RNF150: variants seen among roughly 807,000 people sequenced by gnomAD.
The protein encoded by RNF150 is ring finger protein 150.
A neutral mutation model predicts 39.3 loss-of-function variants in RNF150; 24 were observed. The ratio of observed to expected loss-of-function variants is 0.61; its 90% CI spans 0.44 to 0.86. The LOEUF is 0.86. Among genes scored for constraint, RNF150 ranks in the 40% least tolerant of loss-of-function variants. The pLI is 0.00. For missense variants in RNF150, 502 were observed against 587.8 expected (o/e 0.85, Z 1.51); for synonymous variants, 255 against 227.3 (o/e 1.12, Z -1.10).
Position 141,132,536 on chromosome 4 carries a change from G to T in RNF150, c.273C>A (p.Val91=). 2 of 1,598,562 alleles carry T rather than the reference G, an allele frequency of 1.3e-6. No individual in the cohort carries two copies. The highest frequency in any genetic ancestry group is 2.3e-5 in the South Asian group (2 of 88,162). ...SPKQDARGEV[V]MASSAHDRLA... The stretch of plus-strand genomic sequence containing the variant: ...GGCGGTCGTGGGCCGAGCTGGCCAT[G>T]ACCACCTCCCCGCGGGCGTCCTGCT... Residue 91 remains valine (V), a synonymous_variant, in exon 1 of 7, where the codon GTC becomes GTA. Coordinates refer to ENST00000515673, the MANE Select transcript of RNF150 (RefSeq NM_020724.2). The surrounding 1 kb of genome is among the most constrained non-coding windows in gnomAD (Gnocchi z 4.9).
chr4:140,883,563 A>AT (rs917072025), intron 6 of RNF150, among the ~76,000 whole-genome samples: 2 of 151,930 alleles, frequency 1.3e-5, no homozygotes, highest in Non-Finnish European at 2.9e-5. Context: ...TTTGGTTGAC[A>AT]TTTTTTTCCC....
chr4:140,929,928 C>T (rs915294541), intron 4 of RNF150, among the ~76,000 whole-genome samples: 2 of 152,092 alleles, frequency 1.3e-5, no homozygotes, highest in Non-Finnish European at 1.5e-5. Context: ...CCAAGGCAGG[C>T]GGCAGGCAAA....
chr4:141,121,560 G>A (rs1003844249), intron 1 of RNF150, among the ~76,000 whole-genome samples: 4 of 152,048 alleles, frequency 2.6e-5, no homozygotes, highest in African/African-American at 7.2e-5. Flanking sequence ...AAATTACAAG[G>A]TCTAATCACT....
intron 1 of RNF150, among the ~76,000 whole-genome samples, chr4:141,064,928 C>T (rs1270288155): frequency 5.3e-5 from 8 of 152,272 alleles, no homozygotes; most frequent in South Asian, 2.1e-4. Flanking sequence ...TGCAATGGCA[C>T]GATCTCCGCT....
At chr4:140,991,681 A>G (rs1349870586) in intron 1 of RNF150, among the ~76,000 whole-genome samples, 1 of 152,152 alleles carries the variant, frequency 6.6e-6, no homozygotes, top group Non-Finnish European at 1.5e-5. Flanking sequence ...AGACAGTTAC[A>G]TATTTGGGTT....
At chr4:140,913,243 G>C (rs553992907) in intron 5 of RNF150, among the ~76,000 whole-genome samples, 1 of 152,120 alleles carries the variant, frequency 6.6e-6, no homozygotes, top group Non-Finnish European at 1.5e-5. Context: ...CCTGGCGACA[G>C]AGCAAGACTC....
chr4:140,933,708 C>T (rs555745566), intron 4 of RNF150, among the ~76,000 whole-genome samples: 71 of 152,280 alleles, frequency 4.7e-4, no homozygotes, highest in Middle Eastern at 3.4e-3. Context: ...AAATAATGGA[C>T]GGGAGCCATG....
At chr4:141,124,895 A>T (rs1401230424) in intron 1 of RNF150, among the ~76,000 whole-genome samples, 1 of 152,228 alleles carries the variant, frequency 6.6e-6, no homozygotes, top group Non-Finnish European at 1.5e-5. Context: ...TAAAATCTCT[A>T]TTATGAAATA....
rs543316695 is a variant in RNF150, at chr4:141,026,505, C to T, written c.485-58632G>A. ...TCCCAACCTGATGTTCTGCATATTG[C>T]TGTGGCCAAGGAATTTAGGTGGGGT... On this transcript the variant is annotated intron_variant, in intron 1 of 6. Coordinates refer to ENST00000515673, the MANE Select transcript of RNF150 (RefSeq NM_020724.2). Among the ~76,000 whole-genome samples, 4 of 152,250 alleles carry T rather than the reference C, an allele frequency of 2.6e-5. No individual in the cohort carries two copies. In the East Asian group the frequency reaches 7.7e-4, roughly 29 times the overall value.
chr4:140,942,640 T>C (rs1314696087), intron 4 of RNF150, among the ~76,000 whole-genome samples: 2 of 152,286 alleles, frequency 1.3e-5, no homozygotes, highest in South Asian at 2.1e-4. Context: ...GGGCCAGAAG[T>C]GTTTTCGAAT....
At chr4:140,967,951 C>G in intron 1 of RNF150, 78 bp from the exon 2 acceptor site, 1 of 1,310,046 alleles carries the variant, frequency 7.6e-7, no homozygotes, top group Non-Finnish European at 1.1e-6. Context: ...TGTGTGGACA[C>G]AGTAACACGA....
rs1728538908 is a variant in RNF150 at position 140,862,698 on chromosome 4, T to G, written c.*5563A>C. 6.6e-6 allele frequency: 1 copy of G among 152,214 alleles called. No individual in the cohort carries two copies. Among genetic ancestry groups the G allele is most frequent in the Admixed American group, 6.5e-5 (1 of 15,274 alleles). 9.4% of individuals were successfully genotyped at this position (152,214 alleles called of 1,614,324 possible). A position where few individuals can be genotyped will look rare whatever the true frequency, so the allele number is the denominator to read the frequency against. On this transcript the variant is annotated 3_prime_UTR_variant, in exon 7 of 7. Coordinates refer to ENST00000515673, the MANE Select transcript of RNF150 (RefSeq NM_020724.2). The stretch of plus-strand genomic sequence containing the variant: ...CTCATATTAGCTTCTTAGAATTAAT[T>G]TATTTTTCAGGCAATCCAGACCTTC...
chr4:140,958,518 C>A (rs1732876342), intron 2 of RNF150, among the ~76,000 whole-genome samples: 1 of 152,154 alleles, frequency 6.6e-6, no homozygotes, highest in South Asian at 2.1e-4. Context: ...AAAAGAAAAT[C>A]ATTTTATATT....
chr4:140,975,943 C>A (rs1733649741), intron 1 of RNF150, among the ~76,000 whole-genome samples: 2 of 152,288 alleles, frequency 1.3e-5, no homozygotes, highest in East Asian at 3.9e-4. Context: ...TCGAATCCAA[C>A]ATAATTTCCT....
At chr4:141,128,645 G>A (rs1018902848) in intron 1 of RNF150, among the ~76,000 whole-genome samples, 1 of 151,916 alleles carries the variant, frequency 6.6e-6, no homozygotes, top group African/African-American at 2.4e-5. Flanking sequence ...TGGCCTTCTT[G>A]GTGCTCTTGC....
intron 2 of RNF150, among the ~76,000 whole-genome samples, chr4:140,953,983 A>G (rs1237425664): frequency 1.3e-5 from 2 of 152,144 alleles, no homozygotes. Context: ...CTGAATAGAG[A>G]ATCTAGGGAT....
At chr4:140,884,324 G>A (rs6834848) in intron 6 of RNF150, among the ~76,000 whole-genome samples, 20,546 of 151,934 alleles carry the variant, frequency 0.14, 1,690 homozygotes, top group East Asian at 0.38. Flanking sequence ...TAATTTGTTC[G>A]TTTGATTGGG....
chr4:141,210,145 T>C (rs1385999445), intron 1 of RNF150, among the ~76,000 whole-genome samples: 2 of 152,224 alleles, frequency 1.3e-5, no homozygotes, highest in African/African-American at 4.8e-5. Flanking sequence ...TTTGTTTTTC[T>C]ATGAGACCAC....
At chr4:140,957,610 T>C (rs1490319712) in intron 2 of RNF150, among the ~76,000 whole-genome samples, 1 of 152,092 alleles carries the variant, frequency 6.6e-6, no homozygotes, top group African/African-American at 2.4e-5. Flanking sequence ...CGTATGTTTA[T>C]TGCGGCATTA....
Sources: gnomAD v4.1 joint callset for allele counts (sites outside exome capture counted in the v4.1 genomes callset) on GRCh38, gnomAD v4.1.1 for gene constraint, Gnocchi (gnomAD v3.1) non-coding constraint, MANE v1.5 for transcripts, NCBI Gene and HGNC (gene_info 2026-07-23, HGNC 2026-07-21) for gene names.